Variants in BDNF observed in about 807,000 individuals in gnomAD.
BDNF encodes the protein neurotrophic factor BDNF precursor form.
Under a neutral mutation model 19.5 loss-of-function variants are expected in BDNF, and 1 was observed. The ratio of observed to expected loss-of-function variants is 0.05; its 90% CI spans 0.02 to 0.24. The LOEUF (loss-of-function observed/expected upper bound fraction) is 0.24. BDNF is among the 10% of genes least tolerant of loss of function. The pLI is 1.00. For synonymous variants in BDNF, 100 were observed against 121.6 expected (o/e 0.82, Z 1.17); for missense variants, 195 against 317.6 (o/e 0.61, Z 2.93).
At chr11:27,662,071 C>G (rs4923464) in intron 1 of BDNF, among the ~76,000 whole-genome samples, 1 of 152,004 alleles carries the variant, frequency 6.6e-6, no homozygotes, top group Non-Finnish European at 1.5e-5. Context: ...GGTGCAATCT[C>G]GGCTCACTGC....
At chr11:27,683,777 G>T (rs1857142568) in intron 1 of BDNF, among the ~76,000 whole-genome samples, 3 of 152,132 alleles carry the variant, frequency 2.0e-5, no homozygotes, top group Non-Finnish European at 4.4e-5. Flanking sequence ...ATCTGTTTAT[G>T]TACCAGTACC....
chr11:27,710,755 C>T (rs769596120), intron 1 of BDNF, among the ~76,000 whole-genome samples: 2 of 152,180 alleles, frequency 1.3e-5, no homozygotes, highest in South Asian at 2.1e-4. Flanking sequence ...AGTAACAGTT[C>T]GCAAAGGCAA....
chr11:27,718,358 C>CCCA (rs1860604822), intron 1 of BDNF, among the ~76,000 whole-genome samples: 1 of 144,208 alleles, frequency 6.9e-6, no homozygotes, highest in South Asian at 2.8e-4. Context: ...CACACCACCC[C>CCCA]CCCCCGCCCC....
At chr11:27,672,541 C>G in intron 1 of BDNF, among the ~76,000 whole-genome samples, 1 of 152,272 alleles carries the variant, frequency 6.6e-6, no homozygotes, top group Non-Finnish European at 1.5e-5. Context: ...AGATCCAGCT[C>G]TCTCCTACCA....
chr11:27,698,198 T>C (rs1157214815), intron 1 of BDNF: 1 of 116,036 alleles, frequency 8.6e-6, no homozygotes, highest in African/African-American at 3.2e-5. Context: ...TTTTTTTACC[T>C]CTCCTGCTAA....
At chr11:27,683,589 G>A (rs879914868) in intron 1 of BDNF, among the ~76,000 whole-genome samples, 1 of 152,130 alleles carries the variant, frequency 6.6e-6, no homozygotes, top group Non-Finnish European at 1.5e-5. Context: ...TGTATAACGT[G>A]TAAGGAAGGG....
Position 27,700,348 on chromosome 11 carries a change from C to T in BDNF, c.-206G>A, listed in dbSNP as rs2134085198. 1 of 985,478 alleles carries T rather than the reference C, an allele frequency of 1.0e-6. No individual in the cohort carries two copies. 61.0% of individuals were successfully genotyped at this position (985,478 alleles called of 1,614,324 possible). A position where few individuals can be genotyped will look rare whatever the true frequency, so the allele number is the denominator to read the frequency against. ...GGAGGGGCGCACCGGGCTGGCTCCT[C>T]TGTCCGGCCCGGGAGCCCGAGGCGC... On this transcript the variant is annotated 5_prime_UTR_variant, in exon 1 of 2. Coordinates refer to ENST00000356660, the MANE Select transcript of BDNF (RefSeq NM_001709.5).
chr11:27,666,150 C>G (rs1223491500), intron 1 of BDNF, among the ~76,000 whole-genome samples: 1 of 146,392 alleles, frequency 6.8e-6, no homozygotes, highest in Non-Finnish European at 1.5e-5. Flanking sequence ...GATACCCAAG[C>G]AAACAGGGTC....
intron 1 of BDNF, among the ~76,000 whole-genome samples, chr11:27,709,993 T>C (rs927193827): frequency 2.6e-5 from 4 of 152,230 alleles, no homozygotes; most frequent in African/African-American, 9.6e-5. Flanking sequence ...AGGTAAGGAC[T>C]TACAGTCTAC....
chr11:27,657,368 A>G lies in BDNF; in HGVS notation c.*453T>C. 1 of 1,003,540 alleles carries G rather than the reference A, an allele frequency of 1.0e-6. No homozygotes were observed. 62.2% of individuals were successfully genotyped at this position (1,003,540 alleles called of 1,614,324 possible). A position where few individuals can be genotyped will look rare whatever the true frequency, so the allele number is the denominator to read the frequency against. On this transcript the variant is annotated 3_prime_UTR_variant, in exon 2 of 2. Coordinates refer to ENST00000356660, the MANE Select transcript of BDNF (RefSeq NM_001709.5). The surrounding 1 kb of genome is among the most constrained non-coding windows in gnomAD (Gnocchi z 5.0). ...TCCAACGCTATCAGAAGTTAAAAGC[A>G]GTAAAACAGATATAGTACTAACAAG...
intron 1 of BDNF, among the ~76,000 whole-genome samples, chr11:27,681,344 AACATTTTTCTAGAC>A (rs1856809046): frequency 6.6e-6 from 1 of 152,180 alleles, no homozygotes; most frequent in Non-Finnish European, 1.5e-5. Context: ...GACATTCTAG[AACATTTTTCTAGAC>A]AAAAACATCA....
intron 1 of BDNF, among the ~76,000 whole-genome samples, chr11:27,676,360 T>C (rs1856109887): frequency 6.6e-6 from 1 of 151,952 alleles, no homozygotes; most frequent in African/African-American, 2.4e-5. Context: ...TTAAATTAAA[T>C]AACCACTGTG....
Position 27,656,988 on chromosome 11 carries a change from T to A in BDNF, c.*833A>T. 1.0e-6 allele frequency: 1 copy of A among 985,340 alleles called. No homozygotes were observed. Among genetic ancestry groups the A allele is most frequent in the Non-Finnish European group, 1.2e-6 (1 of 829,948 alleles). 61.0% of individuals were successfully genotyped at this position (985,340 alleles called of 1,614,324 possible). On this transcript the variant is annotated 3_prime_UTR_variant, in exon 2 of 2. Transcript: ENST00000356660. ...GGAAAGAATGTGTTCTGAGCAAACA[T>A]AGGTCCTTCCGTCAAAAGCAGCTTA...
At chr11:27,660,436 G>A (rs1249468531) in intron 1 of BDNF, among the ~76,000 whole-genome samples, 1 of 152,194 alleles carries the variant, frequency 6.6e-6, no homozygotes, top group Admixed American at 6.5e-5. Context: ...CTTTGTGAAT[G>A]TTCTGAGTCC....
At chr11:27,701,123 A>G, upstream of BDNF, 1 of 1,279,978 alleles carries the variant, frequency 7.8e-7, no homozygotes, top group Non-Finnish European at 1.0e-6. Flanking sequence ...GCCTAATAGG[A>G]ATTCAATCAA....
At chr11:27,695,961 G>GAATA (rs1474199431) in intron 1 of BDNF, among the ~76,000 whole-genome samples, 1 of 151,958 alleles carries the variant, frequency 6.6e-6, no homozygotes, top group African/African-American at 2.4e-5. Context: ...ACAGAAAAGA[G>GAATA]AATACCTTCC....
At chr11:27,700,578 G>A (rs1308092282), upstream of BDNF, 2 of 933,140 alleles carry the variant, frequency 2.1e-6, no homozygotes, top group East Asian at 1.3e-4. Context: ...ACCGATACCC[G>A]TTCGAGGCGG....
chr11:27,681,744 G>C (rs1856851499), intron 1 of BDNF, among the ~76,000 whole-genome samples: 1 of 152,106 alleles, frequency 6.6e-6, no homozygotes, highest in Non-Finnish European at 1.5e-5. Context: ...TTTTGGGGGA[G>C]CTGGAAAGTA....
At chr11:27,693,248 T>C (rs1156887805) in intron 1 of BDNF, among the ~76,000 whole-genome samples, 1 of 152,210 alleles carries the variant, frequency 6.6e-6, no homozygotes. Flanking sequence ...GCCCAAAATT[T>C]CAGTAGCTAT....
Sources: gnomAD v4.1 joint callset for allele counts (sites outside exome capture counted in the v4.1 genomes callset) on GRCh38, gnomAD v4.1.1 for gene constraint, Gnocchi (gnomAD v3.1) non-coding constraint, MANE v1.5 for transcripts, NCBI Gene and HGNC (gene_info 2026-07-23, HGNC 2026-07-21) for gene names.